DENND2C: variants seen among roughly 807,000 people sequenced by gnomAD.
DENND2C encodes the protein DENN domain containing 2C.
DENND2C carries 72 observed loss-of-function variants against 112.4 expected under a neutral mutation model. That is an observed-to-expected ratio of 0.64 (90% CI 0.53 to 0.78). The LOEUF is 0.78. Among genes scored for constraint, DENND2C ranks in the 30% least tolerant of loss-of-function variants. The pLI is 0.00. For missense variants in DENND2C, 992 were observed against 1,113.8 expected (o/e 0.89, Z 1.56); for synonymous variants, 329 against 381.6 (o/e 0.86, Z 1.61).
chr1:114,591,911 G>T (rs1233420347), intron 18 of DENND2C, among the ~76,000 whole-genome samples: 4 of 150,438 alleles, frequency 2.7e-5, no homozygotes, highest in African/African-American at 7.3e-5. Context: ...TTTAGACAGG[G>T]TCTTACTCTC....
chr1:114,663,606 T>C (rs1320986923), intron 1 of DENND2C, among the ~76,000 whole-genome samples: 1 of 152,218 alleles, frequency 6.6e-6, no homozygotes, highest in Non-Finnish European at 1.5e-5. Context: ...TGGCAGACTA[T>C]GGCCTACCTG....
chr1:114,594,604 TTTTC>T, intron 17 of DENND2C, 26 bp from the exon 18 acceptor site: 4 of 1,587,098 alleles, frequency 2.5e-6, no homozygotes, highest in Non-Finnish European at 3.4e-6. Flanking sequence ...AAATGGAGAT[TTTTC>T]TTTGTTTGAG....
At chr1:114,595,104 CTG>C (rs1423564823) in intron 17 of DENND2C, among the ~76,000 whole-genome samples, 3 of 152,208 alleles carry the variant, frequency 2.0e-5, no homozygotes, top group Non-Finnish European at 4.4e-5. Flanking sequence ...TTATGTGTGT[CTG>C]TTTCTCCCCA....
At chr1:114,610,269 G>T (rs1275217865) in intron 9 of DENND2C, among the ~76,000 whole-genome samples, 2 of 152,188 alleles carry the variant, frequency 1.3e-5, no homozygotes, top group Non-Finnish European at 2.9e-5. Context: ...AATGCATGGT[G>T]CATTCTATAT....
Position 114,604,714 on chromosome 1 carries a change from C to A in DENND2C, c.1667+208G>T, listed in dbSNP as rs1655610707. Among the ~76,000 whole-genome samples the A allele has an allele frequency of 2.0e-5, 3 of 150,190 alleles. No individual in the cohort carries two copies. In the South Asian group the frequency reaches 6.3e-4, roughly 32 times the overall value. On this transcript the variant is annotated intron_variant, in intron 11 of 20. Transcript: ENST00000393274. ...TGAAGAGACTCTCAAATTTGTTTTCCTTTTGACACTGAAATTATTCCACGT... is the reference window on the plus strand; with the variant it reads ...TGAAGAGACTCTCAAATTTGTTTTCATTTTGACACTGAAATTATTCCACGT...
intron 11 of DENND2C, 132 bp from the exon 12 acceptor site, chr1:114,602,326 A>G (rs990943744): frequency 5.0e-6 from 4 of 806,974 alleles, no homozygotes; most frequent in Admixed American, 5.9e-5. Context: ...ACAACCACTT[A>G]CGGCATTCTC....
chr1:114,653,691 T>C (rs1443541388), intron 2 of DENND2C, among the ~76,000 whole-genome samples: 2 of 152,168 alleles, frequency 1.3e-5, no homozygotes, highest in Admixed American at 6.5e-5. Context: ...AATGGTGGAA[T>C]AATGGACCTT....
In DENND2C at chr1:114,608,888, T is replaced by C. The variant is rs1259097275; in HGVS notation, c.1370-15A>G. ...TTTATGGCGATCTGTAATGAAATCA[T>C]GGAGAAATGTTTTTTTCTCTGTAGC... is the stretch of plus-strand genomic sequence containing the variant. On this transcript the variant is annotated splice_polypyrimidine_tract_variant and intron_variant, in intron 9 of 20. Transcript: ENST00000393274. 2 of 1,613,818 alleles carry C rather than the reference T, an allele frequency of 1.2e-6. No homozygotes were observed. The highest frequency in any genetic ancestry group is 1.7e-5 in the Admixed American group (1 of 59,910).
At chr1:114,601,033 C>A in intron 13 of DENND2C, 73 bp from the exon 14 acceptor site, 1 of 1,475,446 alleles carries the variant, frequency 6.8e-7, no homozygotes, top group South Asian at 1.4e-5. Flanking sequence ...CAGGAACTGC[C>A]AAACCTGGTG....
chr1:114,587,448 C>G lies in DENND2C; in HGVS notation c.2694G>C (p.Gln898His). The G allele has an allele frequency of 1.2e-6, 2 of 1,614,172 alleles. No homozygotes were observed. Among genetic ancestry groups the G allele is most frequent in the East Asian group, 4.5e-5 (2 of 44,880 alleles). ...VKGLFEIRAIQYLETIPESEP... is the reference protein window; with the variant it reads ...VKGLFEIRAIHYLETIPESEP... ...CCGACTCAGGAATTGTTTCCAAATA[C>G]TGGATGGCCCGGATCTCAAACAAAC... The change falls in exon 20 of 21, where the codon CAG (glutamine) becomes CAC (histidine). Residue 898 changes from glutamine to histidine, a missense_variant. Around this residue, in one of 3 missense-constraint regions of DENND2C, gnomAD observed 516 missense variants for 623.6 expected, o/e 0.83. Coordinates refer to ENST00000393274, the MANE Select transcript of DENND2C (RefSeq NM_001256404.2).
rs768299365 is a variant in DENND2C at position 114,625,184 on chromosome 1, A to C, written c.801T>G (p.Ser267=). The change falls in exon 4 of 21, where the codon TCT becomes TCG. Residue 267 remains serine, a synonymous_variant. Coordinates refer to ENST00000393274, the MANE Select transcript of DENND2C (RefSeq NM_001256404.2). ...TCTGTAGGATAAAAACATACCTTTTAGATCTTCCTCTGATTTTTCCACCAT... is the reference window on the plus strand; with the variant it reads ...TCTGTAGGATAAAAACATACCTTTTCGATCTTCCTCTGATTTTTCCACCAT... The part of the protein sequence containing the change: ...KKYGGKIRGR[S]KRKSFEFEDI... 3 of 1,603,866 alleles carry C rather than the reference A, an allele frequency of 1.9e-6. No homozygotes were observed. In the African/African-American group the frequency reaches 4.0e-5, roughly 22 times the overall value.
intron 8 of DENND2C, among the ~76,000 whole-genome samples, chr1:114,615,813 C>T (rs551205328): frequency 4.6e-5 from 7 of 152,284 alleles, no homozygotes; most frequent in Admixed American, 2.0e-4. Flanking sequence ...CAGTGGCTCA[C>T]GCCTGTAATC....
intron 1 of DENND2C, among the ~76,000 whole-genome samples, chr1:114,669,604 A>C (rs539908758): frequency 6.6e-6 from 1 of 152,290 alleles, no homozygotes; most frequent in African/African-American, 2.4e-5. Flanking sequence ...TCACTGGCTA[A>C]TTTTGGAGAA....
intron 3 of DENND2C, among the ~76,000 whole-genome samples, chr1:114,641,023 C>T (rs1396017623): frequency 1.3e-5 from 2 of 151,948 alleles, no homozygotes; most frequent in African/African-American, 2.4e-5. Context: ...AGAATATGTT[C>T]CTGTTATGTT....
At chr1:114,595,203 G>A (rs989526032) in intron 17 of DENND2C, among the ~76,000 whole-genome samples, 1 of 152,102 alleles carries the variant, frequency 6.6e-6, no homozygotes, top group Non-Finnish European at 1.5e-5. Flanking sequence ...GTGCTTGGCC[G>A]GGCATGGTGG....
intron 1 of DENND2C, among the ~76,000 whole-genome samples, chr1:114,668,299 A>C (rs1657700111): frequency 1.3e-5 from 2 of 152,202 alleles, no homozygotes; most frequent in Admixed American, 1.3e-4. Flanking sequence ...CTTCTAAAGC[A>C]ACACACACAA....
intron 8 of DENND2C, among the ~76,000 whole-genome samples, chr1:114,615,536 T>C (rs770769146): frequency 2.6e-5 from 4 of 152,218 alleles, no homozygotes; most frequent in African/African-American, 4.8e-5. Flanking sequence ...AAAGAAACTA[T>C]TACTTCATTC....
intron 3 of DENND2C, among the ~76,000 whole-genome samples, chr1:114,635,035 A>AAC (rs1276771887): frequency 4.6e-5 from 7 of 151,342 alleles, no homozygotes; most frequent in Non-Finnish European, 1.0e-4. Flanking sequence ...CTAAAAAAAA[A>AAC]AAAAAAAAAG....
chr1:114,637,369 C>CAAA (rs71575188), intron 3 of DENND2C, among the ~76,000 whole-genome samples: 1 of 127,642 alleles, frequency 7.8e-6, no homozygotes, highest in African/African-American at 2.9e-5. Flanking sequence ...GACTCTGTCT[C>CAAA]AAAAAAAAAA....
Sources: allele counts gnomAD v4.1 joint callset (sites outside exome capture counted in the v4.1 genomes callset), GRCh38; gene constraint gnomAD v4.1.1; regional missense constraint gnomAD v4.1.1; transcripts MANE v1.5; gene names NCBI Gene and HGNC (gene_info 2026-07-23, HGNC 2026-07-21).